ZNF717: variants seen among roughly 807,000 people sequenced by gnomAD.
ZNF717 encodes krueppel-like factor X17.
Under a neutral mutation model 13.8 loss-of-function variants are expected in ZNF717, and 9 were observed. The observed-to-expected ratio is 0.65, with a 90% CI of 0.39 to 1.14. ZNF717 has a LOEUF of 1.14. Ranked by LOEUF, ZNF717 falls within the 50% of genes most tolerant of loss-of-function variation. The pLI is 0.01. For missense variants in ZNF717, 1,040 were observed against 1,080.7 expected (o/e 0.96, Z 0.53); for synonymous variants, 327 against 364.1 (o/e 0.90, Z 1.16).
In ZNF717 at chr3:75,737,161, T is replaced by C. The variant is rs569174536; in HGVS notation, c.2462A>G (p.Lys821Arg). Residue 821 changes from lysine (K) to arginine (R), a missense_variant, in exon 5 of 5, where the codon AAA becomes AGA. By Grantham distance (26) the Lys-to-Arg change is conservative. Around this residue, in one of 3 missense-constraint regions of ZNF717, gnomAD observed 873 missense variants for 832.8 expected, o/e 1.05. Coordinates refer to ENST00000652011, the MANE Select transcript of ZNF717 (RefSeq NM_001290208.3). ...EKPFECKECR[K>R]TFSQKSKLFV... ...GAGTTTTGACTTCTGGGAGAAGGTTTTCCTACATTCTTTACATTCAAATGG... is the reference window on the plus strand; with the variant it reads ...GAGTTTTGACTTCTGGGAGAAGGTTCTCCTACATTCTTTACATTCAAATGG... 3.2e-6 allele frequency: 5 copies of C among 1,559,540 alleles called. No homozygotes were observed. In the African/African-American group the frequency reaches 6.8e-5, roughly 21 times the overall value.
intron 2 of ZNF717, among the ~76,000 whole-genome samples, chr3:75,779,885 G>A (rs1307706854): frequency 6.6e-6 from 1 of 150,906 alleles, no homozygotes; most frequent in African/African-American, 2.4e-5. Context: ...CAATGGGAGT[G>A]TCCTGCTAAA....
intron 2 of ZNF717, among the ~76,000 whole-genome samples, chr3:75,769,410 G>A (rs1943733175): frequency 2.6e-5 from 4 of 152,170 alleles, no homozygotes; most frequent in Admixed American, 2.6e-4. Flanking sequence ...CCTTCCAGAT[G>A]AGACCAGAGA....
chr3:75,760,157 T>C (rs1389828544), intron 2 of ZNF717, among the ~76,000 whole-genome samples: 1 of 152,154 alleles, frequency 6.6e-6, no homozygotes, highest in Non-Finnish European at 1.5e-5. Flanking sequence ...GCCTCCACGG[T>C]AGCTGGGATT....
chr3:75,763,459 G>C (rs1943188700), intron 2 of ZNF717, among the ~76,000 whole-genome samples: 1 of 152,244 alleles, frequency 6.6e-6, no homozygotes, highest in African/African-American at 2.4e-5. Flanking sequence ...TTTTGGATCA[G>C]AGACATTCAA....
At position 75,737,413 on chromosome 3, in the gene ZNF717, T is replaced by C; in HGVS notation, c.2210A>G (p.Glu737Gly). The change falls in exon 5 of 5, where the codon GAA becomes GGA. Residue 737 changes from glutamate to glycine, a missense_variant. By Grantham distance (98) the Glu-to-Gly change is moderately conservative (BLOSUM62 -2). Transcript: ENST00000652011. The stretch of plus-strand genomic sequence containing the variant: ...GAGGACTGACTTCTGACAAGGTTTT[T>C]CCACATTTGCTACATTCATAGGGTT... ...GRNPMNVANV[E>G]KPCQKSVLTV... 1.9e-6 allele frequency: 3 copies of C among 1,554,060 alleles called. No individual in the cohort carries two copies. Among genetic ancestry groups the C allele is most frequent in the South Asian group, 1.2e-5 (1 of 84,178 alleles).
At chr3:75,746,208 A>AT (rs1401118318) in intron 2 of ZNF717, among the ~76,000 whole-genome samples, 5 of 152,182 alleles carry the variant, frequency 3.3e-5, no homozygotes, top group African/African-American at 1.2e-4. Context: ...TGAACTTATC[A>AT]TTTTTTATGG....
At chr3:75,765,011 A>ATGTGTGTG (rs1559661726) in intron 2 of ZNF717, among the ~76,000 whole-genome samples, 5 of 18,762 alleles carry the variant, frequency 2.7e-4, no homozygotes, top group African/African-American at 7.5e-4. Flanking sequence ...ATATATATAT[A>ATGTGTGTG]TATATATATA....
intron 2 of ZNF717, among the ~76,000 whole-genome samples, chr3:75,757,936 A>G (rs1481411263): frequency 2.0e-5 from 3 of 149,336 alleles, no homozygotes; most frequent in Non-Finnish European, 4.5e-5. Context: ...AACATAGTGA[A>G]ACCCTGTCTC....
At chr3:75,781,221 C>G (rs901676400) in intron 2 of ZNF717, among the ~76,000 whole-genome samples, 41 of 152,270 alleles carry the variant, frequency 2.7e-4, no homozygotes, top group African/African-American at 9.6e-4. Flanking sequence ...TGCGTCTTGG[C>G]CAATCCCAGT....
At chr3:75,742,371 G>T (rs1940588348) in intron 2 of ZNF717, among the ~76,000 whole-genome samples, 1 of 136,062 alleles carries the variant, frequency 7.3e-6, no homozygotes, top group African/African-American at 2.9e-5. Context: ...AGGAGCTCAT[G>T]ATCTGGTTAT....
rs1353016989 is a variant in ZNF717 at position 75,737,128 on chromosome 3, T to C, written c.2495A>G (p.His832Arg). The C allele has an allele frequency of 3.2e-6, 5 of 1,568,524 alleles. No homozygotes were observed. Among genetic ancestry groups the C allele is most frequent in the Admixed American group, 1.9e-5 (1 of 52,522 alleles). ...TFSQKSKLFV[H>R]HRTHTGEKPF... ...TTTTTCCCCTGTGTGAGTTCTGTGA[T>C]GTACAAAGAGTTTTGACTTCTGGGA... Residue 832 changes from histidine (H) to arginine (R), a missense_variant, in exon 5 of 5, where the codon CAT becomes CGT. His to Arg is a conservative substitution (Grantham distance 29). Around this residue, in one of 3 missense-constraint regions of ZNF717, gnomAD observed 873 missense variants for 832.8 expected, o/e 1.05. Transcript: ENST00000652011.
At chr3:75,729,615 CAAAAA>C (rs369485280), downstream of ZNF717, among the ~76,000 whole-genome samples, 1 of 115,546 alleles carries the variant, frequency 8.7e-6, no homozygotes, top group Non-Finnish European at 1.7e-5. Context: ...AACTCCATAT[CAAAAA>C]AAAAAAAAAA....
chr3:75,771,394 A>C (rs1943857899), intron 2 of ZNF717, among the ~76,000 whole-genome samples: 1 of 151,984 alleles, frequency 6.6e-6, no homozygotes. Flanking sequence ...GGGCTGCCTG[A>C]CTCCTGAATC....
Position 75,737,201 on chromosome 3 carries a change from G to A in ZNF717, c.2422C>T (p.His808Tyr), listed in dbSNP as rs140870505. ...KTVLTIHQRT[H>Y]TGEKPFECKE... The stretch of plus-strand genomic sequence containing the variant: ...CATTCAAATGGCTTCTCACCTGTGT[G>A]AGTTCTCTGATGTATGGTGAGAACT... The change falls in exon 5 of 5, where the codon CAC (histidine) becomes TAC (tyrosine). Residue 808 changes from histidine to tyrosine, a missense_variant. Coordinates refer to ENST00000652011, the MANE Select transcript of ZNF717 (RefSeq NM_001290208.3). 23,599 of 1,502,056 alleles carry A rather than the reference G, an allele frequency of 0.016. No homozygotes were observed. The highest frequency in any genetic ancestry group is 0.098 in the South Asian group (7,655 of 78,282). The allele number at this position is 1,502,056 out of a possible 1,614,324, so 93.0% of individuals were successfully genotyped here. A position where few individuals can be genotyped will look rare whatever the true frequency, so the allele number is the denominator to read the frequency against.
At chr3:75,751,423 AG>A (rs1294241786) in intron 2 of ZNF717, among the ~76,000 whole-genome samples, 12 of 151,278 alleles carry the variant, frequency 7.9e-5, no homozygotes, top group African/African-American at 2.9e-4. Flanking sequence ...TACCCCATGT[AG>A]TACTCAAGAA....
chr3:75,778,987 C>T (rs1944581066), intron 2 of ZNF717, among the ~76,000 whole-genome samples: 1 of 151,166 alleles, frequency 6.6e-6, no homozygotes, highest in Non-Finnish European at 1.5e-5. Context: ...TGTGCTAAAA[C>T]CGGAACCCAA....
chr3:75,737,949 T>C lies in ZNF717; in HGVS notation c.1674A>G (p.Thr558=), dbSNP rs1939653432. The change falls in exon 5 of 5, where the codon ACA becomes ACG. Residue 558 remains threonine (T), a synonymous_variant. Coordinates refer to ENST00000652011, the MANE Select transcript of ZNF717 (RefSeq NM_001290208.3). ...SYLTVHHRTH[T]GEKPYECNEC... ...CATTACATTCATAGGGTTTTTCCCC[T>C]GTGTGAGTTCTGTGATGTACTGTAA... The C allele has an allele frequency of 3.9e-6, 6 of 1,555,292 alleles. No individual in the cohort carries two copies. The East Asian group carries it at 7.3e-5, about 19-fold the overall frequency.
chr3:75,726,191 ATTCT>A (rs1938275281), downstream of ZNF717, among the ~76,000 whole-genome samples: 1 of 152,268 alleles, frequency 6.6e-6, no homozygotes, highest in Admixed American at 6.5e-5. Context: ...TTGTTATGTG[ATTCT>A]TTCTTTCCTA....
chr3:75,751,871 C>G (rs1941857598), intron 2 of ZNF717, among the ~76,000 whole-genome samples: 1 of 151,794 alleles, frequency 6.6e-6, no homozygotes, highest in Non-Finnish European at 1.5e-5. Context: ...CAGAACACTA[C>G]TACGATGGTA....
Sources: gnomAD v4.1 joint callset for allele counts (sites outside exome capture counted in the v4.1 genomes callset) on GRCh38, gnomAD v4.1.1 for gene constraint, gnomAD v4.1.1 regional missense constraint, MANE v1.5 for transcripts, NCBI Gene and HGNC (gene_info 2026-07-23, HGNC 2026-07-21) for gene names.